Variants in ARHGAP10 observed in about 807,000 individuals in gnomAD.
The protein encoded by ARHGAP10 is Rho GTPase activating protein 10.
In ARHGAP10, 87 loss-of-function variants were observed where a neutral mutation model predicts 108.6. The ratio of observed to expected loss-of-function variants is 0.80; its 90% CI spans 0.67 to 0.96. The LOEUF is 0.96. Ranked by LOEUF, ARHGAP10 falls within the 40% of genes least tolerant of loss-of-function variation. ARHGAP10 has a pLI of 0.00. For missense variants in ARHGAP10, 939 were observed against 954.5 expected (o/e 0.98, Z 0.21); for synonymous variants, 347 against 341.1 (o/e 1.02, Z -0.19).
intron 3 of ARHGAP10, among the ~76,000 whole-genome samples, chr4:147,827,574 G>A (rs1046525184): frequency 2.6e-5 from 4 of 152,110 alleles, no homozygotes; most frequent in Admixed American, 1.3e-4. Flanking sequence ...CCATACCCCC[G>A]ACACCGGGAC....
At position 147,914,566 on chromosome 4, in the gene ARHGAP10, C is replaced by A. The variant is rs796180657; in HGVS notation, c.1228+1427C>A. On this transcript the variant is annotated intron_variant, in intron 13 of 22. Coordinates refer to ENST00000336498, the MANE Select transcript of ARHGAP10 (RefSeq NM_024605.4). ...ACGCATGTTCTGCGCTCCCCCCCCC[C>A]CCTTTTTTTTTTTAACATCTTCAGC... 6.5e-5 allele frequency among the ~76,000 whole-genome samples: 7 copies of A among 107,174 alleles called. No homozygotes were observed. In the East Asian group the frequency reaches 8.8e-4, roughly 13 times the overall value. 70.3% of individuals were successfully genotyped at this position (107,174 alleles called of 152,430 possible).
At chr4:147,737,953 T>G (rs1246166833) in intron 1 of ARHGAP10, among the ~76,000 whole-genome samples, 2 of 152,106 alleles carry the variant, frequency 1.3e-5, no homozygotes, top group Admixed American at 1.3e-4. Flanking sequence ...TTTGTCACAT[T>G]GCCTTTCTCT....
chr4:148,039,048 C>A (rs1027802269), intron 19 of ARHGAP10, among the ~76,000 whole-genome samples: 1 of 152,094 alleles, frequency 6.6e-6, no homozygotes, highest in Non-Finnish European at 1.5e-5. Flanking sequence ...GATCTACCCA[C>A]CCCCACCATG....
At chr4:147,831,628 C>T (rs1732956104) in intron 3 of ARHGAP10, among the ~76,000 whole-genome samples, 1 of 152,188 alleles carries the variant, frequency 6.6e-6, no homozygotes, top group African/African-American at 2.4e-5. Flanking sequence ...TTTATGAAGA[C>T]TTTTTCCTCC....
intron 20 of ARHGAP10, among the ~76,000 whole-genome samples, 184 bp downstream of exon 20, chr4:148,047,235 C>G (rs547938997): frequency 1.8e-4 from 28 of 152,300 alleles, no homozygotes; most frequent in African/African-American, 6.3e-4. Flanking sequence ...TGAATACTGT[C>G]TGTGTTTCTA....
chr4:147,802,759 A>G (rs72955545), intron 1 of ARHGAP10, among the ~76,000 whole-genome samples: 97 of 152,356 alleles, frequency 6.4e-4, no homozygotes, highest in African/African-American at 2.3e-3. Flanking sequence ...AAAATTCAGA[A>G]CAGATGTTGT....
intron 18 of ARHGAP10, among the ~76,000 whole-genome samples, chr4:147,997,566 T>C (rs755142694): frequency 9.2e-5 from 14 of 152,124 alleles, no homozygotes; most frequent in East Asian, 1.9e-4. Flanking sequence ...GGAGAAAGCA[T>C]TGGATGTGGA....
intron 1 of ARHGAP10, among the ~76,000 whole-genome samples, chr4:147,735,203 G>T (rs2126672617): frequency 6.6e-6 from 1 of 152,304 alleles, no homozygotes; most frequent in African/African-American, 2.4e-5. Context: ...AGAGGCCCTT[G>T]CCCTTGAGTT....
intron 1 of ARHGAP10, among the ~76,000 whole-genome samples, chr4:147,803,893 A>G (rs1731675970): frequency 1.3e-5 from 2 of 152,162 alleles, no homozygotes; most frequent in African/African-American, 4.8e-5. Flanking sequence ...TGCTGTAGTA[A>G]ACATGAGGTG....
At chr4:147,855,934 C>G (rs531439224) in intron 4 of ARHGAP10, among the ~76,000 whole-genome samples, 1 of 152,230 alleles carries the variant, frequency 6.6e-6, no homozygotes, top group Non-Finnish European at 1.5e-5. Context: ...ATCTCTTTGC[C>G]TAACAGGAAG....
At chr4:147,735,466 A>G (rs986771087) in intron 1 of ARHGAP10, among the ~76,000 whole-genome samples, 1 of 152,216 alleles carries the variant, frequency 6.6e-6, no homozygotes, top group Admixed American at 6.5e-5. Flanking sequence ...AAGAAACCAG[A>G]ACACTCGAGT....
chr4:147,909,582 G>A, intron 11 of ARHGAP10, 150 bp from the exon 12 acceptor site: 1 of 641,606 alleles, frequency 1.6e-6, no homozygotes, highest in Non-Finnish European at 2.7e-6. Context: ...GTCAGGAAGT[G>A]GGGATGCAGA....
intron 5 of ARHGAP10, among the ~76,000 whole-genome samples, chr4:147,859,455 G>A (rs1734226999): frequency 6.6e-6 from 1 of 151,978 alleles, no homozygotes; most frequent in South Asian, 2.1e-4. Flanking sequence ...TGTATTTTTA[G>A]TAGAGACAAG....
chr4:148,072,384 T>C lies in ARHGAP10; in HGVS notation c.*303T>C. On this transcript the variant is annotated 3_prime_UTR_variant, in exon 23 of 23. Transcript: ENST00000336498. Reference sequence around the variant, plus strand: ...ATATAGAATGAGAGGGAGGGCAGCCTTCTGCCACCTGTGTCGCCTCCACTG... The same window carrying C: ...ATATAGAATGAGAGGGAGGGCAGCCCTCTGCCACCTGTGTCGCCTCCACTG... 1 of 319,710 alleles carries C rather than the reference T, an allele frequency of 3.1e-6. No homozygotes were observed. The highest frequency in any genetic ancestry group is 5.7e-6 in the Non-Finnish European group (1 of 175,224). 19.8% of individuals were successfully genotyped at this position (319,710 alleles called of 1,614,324 possible).
At chr4:147,888,620 A>G (rs1159823621) in intron 10 of ARHGAP10, among the ~76,000 whole-genome samples, 2 of 152,208 alleles carry the variant, frequency 1.3e-5, no homozygotes, top group Non-Finnish European at 2.9e-5. Flanking sequence ...CCTTTAGTCT[A>G]AAAGATGAAG....
intron 18 of ARHGAP10, among the ~76,000 whole-genome samples, chr4:147,993,034 CCTT>C (rs1183029859): frequency 6.6e-6 from 1 of 152,202 alleles, no homozygotes; most frequent in Non-Finnish European, 1.5e-5. Context: ...TGTAGAATTA[CCTT>C]CTTTCTAATA....
At chr4:148,019,742 G>A (rs1346057851) in intron 18 of ARHGAP10, among the ~76,000 whole-genome samples, 2 of 151,414 alleles carry the variant, frequency 1.3e-5, no homozygotes, top group Non-Finnish European at 2.9e-5. Context: ...TCCAGCCTGG[G>A]TGACAGAGTG....
At chr4:147,993,224 G>A (rs1312991828) in intron 18 of ARHGAP10, among the ~76,000 whole-genome samples, 1 of 152,178 alleles carries the variant, frequency 6.6e-6, no homozygotes, top group Admixed American at 6.5e-5. Context: ...CTAGAGCAGA[G>A]TCAAACCTAA....
At chr4:148,059,675 C>T (rs1483828857) in intron 20 of ARHGAP10, among the ~76,000 whole-genome samples, 1 of 152,088 alleles carries the variant, frequency 6.6e-6, no homozygotes, top group Non-Finnish European at 1.5e-5. Flanking sequence ...TTTTAGTTCT[C>T]CCAAGGATGA....
Sources: allele counts gnomAD v4.1 joint callset (sites outside exome capture counted in the v4.1 genomes callset), GRCh38; gene constraint gnomAD v4.1.1; transcripts MANE v1.5; gene names NCBI Gene and HGNC (gene_info 2026-07-23, HGNC 2026-07-21).